The following NDST3 variants were observed in gnomAD, a reference collection of about 807,000 sequenced individuals.
The protein encoded by NDST3 is N-deacetylase and N-sulfotransferase 3, also known as bifunctional heparan sulfate N-deacetylase/N-sulfotransferase 3.
In NDST3, 58 loss-of-function variants were observed where a neutral mutation model predicts 96.1. The ratio of observed to expected loss-of-function variants is 0.60; its 90% CI spans 0.49 to 0.75. The LOEUF is 0.75. Among genes scored for constraint, NDST3 ranks in the 30% least tolerant of loss-of-function variants. The pLI, the probability that NDST3 is intolerant of heterozygous loss-of-function variation, is 0.00. For missense variants in NDST3, 788 were observed against 1,034.2 expected, an observed-to-expected ratio of 0.76 and a Z score of 3.27; for synonymous variants, 333 against 359.7, an observed-to-expected ratio of 0.93 and a Z score of 0.84.
intron 4 of NDST3, among the ~76,000 whole-genome samples, chr4:118,133,748 A>G (rs926809862): frequency 6.6e-6 from 1 of 152,178 alleles, no homozygotes; most frequent in Non-Finnish European, 1.5e-5. Context: ...CCATATGTTT[A>G]TTCTTCAGAC....
intron 10 of NDST3, among the ~76,000 whole-genome samples, 194 bp from the exon 11 acceptor site, chr4:118,240,330 A>T (rs1578861396): frequency 6.6e-6 from 1 of 152,200 alleles, no homozygotes; most frequent in Admixed American, 6.5e-5. Flanking sequence ...TCAAAAATTT[A>T]CTCCCATAAG....
intron 6 of NDST3, among the ~76,000 whole-genome samples, chr4:118,149,715 A>G (rs1309118998): frequency 6.7e-6 from 1 of 149,636 alleles, no homozygotes; most frequent in Non-Finnish European, 1.5e-5. Context: ...GGACAATTTG[A>G]CTTCCTCTTT....
intron 2 of NDST3, among the ~76,000 whole-genome samples, chr4:118,084,692 A>G (rs189306975): frequency 1.2e-3 from 189 of 152,370 alleles, no homozygotes; most frequent in Non-Finnish European, 2.3e-3. Flanking sequence ...CTTGTGTTTT[A>G]CTTTTAGAGA....
chr4:118,237,068 C>A lies in NDST3; in HGVS notation c.1966C>A (p.Pro656Thr). The stretch of plus-strand genomic sequence containing the variant: ...TAGGTATATGGATTTCTTCCCAGTC[C>A]CATCTAATGTCACTACCGACTTTTT... ...IDWYMDFFPVPSNVTTDFLFE... is the reference protein window; with the variant it reads ...IDWYMDFFPVTSNVTTDFLFE... The change falls in exon 10 of 14, where the codon CCA (proline) becomes ACA (threonine). Residue 656 changes from proline (P) to threonine (T), a missense_variant. This residue lies in a region of NDST3 where 490 missense variants were observed against 708.8 expected (regional missense o/e 0.69). Transcript: ENST00000296499. 22 of 1,607,014 alleles carry A rather than the reference C, an allele frequency of 1.4e-5. No homozygotes were observed. The highest frequency in any genetic ancestry group is 1.9e-5 in the Non-Finnish European group (22 of 1,176,352).
chr4:118,087,700 A>G (rs1054008843), intron 2 of NDST3, among the ~76,000 whole-genome samples: 7 of 152,102 alleles, frequency 4.6e-5, no homozygotes, highest in Non-Finnish European at 1.5e-5. Flanking sequence ...AAAATGCATC[A>G]TAAGTCAAAC....
chr4:118,053,700 A>C, intron 1 of NDST3, 56 bp from the exon 2 acceptor site: 1 of 497,334 alleles, frequency 2.0e-6, no homozygotes, highest in Non-Finnish European at 3.5e-6. Context: ...CAAGATAAAA[A>C]CTTGCTTATT....
chr4:118,097,698 G>A (rs1729428006), intron 2 of NDST3, among the ~76,000 whole-genome samples: 1 of 151,852 alleles, frequency 6.6e-6, no homozygotes, highest in Admixed American at 6.6e-5. Context: ...GAAATCAAAT[G>A]TTTTCTAATT....
chr4:118,133,161 T>C (rs1732779028), intron 4 of NDST3, among the ~76,000 whole-genome samples: 1 of 152,326 alleles, frequency 6.6e-6, no homozygotes, highest in East Asian at 1.9e-4. Flanking sequence ...CCTTGTGTGC[T>C]AGACTGTCTT....
At chr4:118,193,479 G>C (rs1430837468) in intron 6 of NDST3, 24 of 788,658 alleles carry the variant, frequency 3.0e-5, no homozygotes, top group South Asian at 1.7e-4. Flanking sequence ...GTGTCAGTGA[G>C]ATTGTCTCCT....
chr4:118,056,855 G>A (rs889254318), intron 2 of NDST3, among the ~76,000 whole-genome samples: 1 of 151,930 alleles, frequency 6.6e-6, no homozygotes, highest in African/African-American at 2.4e-5. Context: ...CTTGCAACAT[G>A]GTAAGCACAA....
intron 6 of NDST3, among the ~76,000 whole-genome samples, chr4:118,187,167 T>C (rs897450209): frequency 1.3e-5 from 2 of 152,210 alleles, no homozygotes; most frequent in Non-Finnish European, 1.5e-5. Context: ...ACCCAATGTA[T>C]TCCTTCACGT....
At chr4:118,241,211 C>A (rs1740984841) in intron 11 of NDST3, among the ~76,000 whole-genome samples, 1 of 152,152 alleles carries the variant, frequency 6.6e-6, no homozygotes, top group African/African-American at 2.4e-5. Context: ...GCCATGCTTT[C>A]CAGTATGACA....
rs1316111993 is a variant in NDST3, at chr4:118,093,709, T to G, written c.982-11309T>G. Among the ~76,000 whole-genome samples the G allele has an allele frequency of 2.6e-5, 4 of 151,892 alleles. No homozygotes were observed. The South Asian group carries it at 8.3e-4, about 31-fold the overall frequency. ...CCAGATCACAGGCCTGTTAGACCTATATGTATGTAAAATAAAGTGACTTTT... is the reference window on the plus strand; with the variant it reads ...CCAGATCACAGGCCTGTTAGACCTAGATGTATGTAAAATAAAGTGACTTTT... On this transcript the variant is annotated intron_variant, in intron 2 of 13. Coordinates refer to ENST00000296499, the MANE Select transcript of NDST3 (RefSeq NM_004784.3).
At chr4:118,138,769 T>C (rs1733333444) in intron 5 of NDST3, among the ~76,000 whole-genome samples, 1 of 152,236 alleles carries the variant, frequency 6.6e-6, no homozygotes, top group Non-Finnish European at 1.5e-5. Context: ...GCATACACCA[T>C]CTAATTCTAT....
intron 6 of NDST3, among the ~76,000 whole-genome samples, chr4:118,183,750 G>C (rs79342491): frequency 6.6e-6 from 1 of 152,136 alleles, no homozygotes; most frequent in Non-Finnish European, 1.5e-5. Flanking sequence ...TTCTGGCCTC[G>C]GATGAAAACT....
chr4:118,114,795 C>CT lies in NDST3; in HGVS notation c.1070-11_1070-10insT. 1 of 1,612,100 alleles carries CT rather than the reference C, an allele frequency of 6.2e-7. No individual in the cohort carries two copies. Among genetic ancestry groups the CT allele is most frequent in the Non-Finnish European group, 8.5e-7 (1 of 1,178,982 alleles). On this transcript the variant is annotated splice_polypyrimidine_tract_variant and intron_variant, in intron 3 of 13. Transcript: ENST00000296499. ...ACTGGAATTAATTGGATAATATTTC[C>CT]CCCCCTAAAGGAACTGAAGAGGAAG... is the stretch of plus-strand genomic sequence containing the variant.
At chr4:118,067,127 T>TTAA (rs1364263042) in intron 2 of NDST3, among the ~76,000 whole-genome samples, 1 of 151,270 alleles carries the variant, frequency 6.6e-6, no homozygotes, top group African/African-American at 2.4e-5. Flanking sequence ...AATGGGGTAA[T>TTAA]GAATAGTTAT....
intron 2 of NDST3, among the ~76,000 whole-genome samples, chr4:118,085,060 T>G (rs982827072): frequency 6.6e-6 from 1 of 152,038 alleles, no homozygotes; most frequent in African/African-American, 2.4e-5. Flanking sequence ...GAGGCAGAGG[T>G]TGCAGTGAGC....
chr4:118,238,148 AAG>A (rs58428111), intron 10 of NDST3, among the ~76,000 whole-genome samples: 10 of 70,004 alleles, frequency 1.4e-4, no homozygotes, highest in African/African-American at 3.7e-4. Flanking sequence ...AGAGAGAGAA[AAG>A]AAAGAAAAGA....
Sources: allele counts gnomAD v4.1 joint callset (sites outside exome capture counted in the v4.1 genomes callset), GRCh38; gene constraint gnomAD v4.1.1; regional missense constraint gnomAD v4.1.1; transcripts MANE v1.5; gene names NCBI Gene and HGNC (gene_info 2026-07-23, HGNC 2026-07-21).